Variants in UBR4 observed in about 807,000 individuals in gnomAD.
UBR4 encodes E3 ubiquitin-protein ligase UBR4.
UBR4 carries 124 observed loss-of-function variants against 575.6 expected under a neutral mutation model. That is an observed-to-expected ratio of 0.22 (90% CI 0.19 to 0.25). UBR4 has a LOEUF of 0.25. Among genes scored for constraint, UBR4 ranks in the 10% least tolerant of loss-of-function variants. The pLI is 1.00. For missense variants in UBR4, 4,818 were observed against 6,478.8 expected, an observed-to-expected ratio of 0.74 and a Z score of 8.80; for synonymous variants, 2,455 against 2,473.7, an observed-to-expected ratio of 0.99 and a Z score of 0.22.
chr1:19,100,267 G>T lies in UBR4; in HGVS notation c.13221+109C>A. ...AACTTACAGAGTGGAGAAACTGAAGGCCACCTGCCCCAAGTTAATCAGCTA... is the reference window on the plus strand; with the variant it reads ...AACTTACAGAGTGGAGAAACTGAAGTCCACCTGCCCCAAGTTAATCAGCTA... On this transcript the variant is annotated intron_variant, in intron 89 of 105. Coordinates refer to ENST00000375254, the MANE Select transcript of UBR4 (RefSeq NM_020765.3). The surrounding 1 kb of genome is among the most constrained non-coding windows in gnomAD (Gnocchi z 4.2). The T allele has an allele frequency of 8.2e-7, 1 of 1,225,328 alleles. No homozygotes were observed. Among genetic ancestry groups the T allele is most frequent in the Non-Finnish European group, 1.2e-6 (1 of 852,666 alleles). 75.9% of individuals were successfully genotyped at this position (1,225,328 alleles called of 1,614,324 possible). A position where few individuals can be genotyped will look rare whatever the true frequency, so the allele number is the denominator to read the frequency against.
At chr1:19,148,331 C>T (rs2085155659) in intron 50 of UBR4, among the ~76,000 whole-genome samples, 1 of 152,126 alleles carries the variant, frequency 6.6e-6, no homozygotes, top group South Asian at 2.1e-4. Context: ...GCTCATGATT[C>T]CCAGAACAGT....
At position 19,164,852 on chromosome 1, in the gene UBR4, C is replaced by A. The variant is rs1428861955; in HGVS notation, c.4458G>T (p.Gln1486His). ...PKDSDQLDVI[Q>H]ENRQLLQLLT... ...GTAACTGCAGCAGCTGCCGGTTCTC[C>A]TGAATTACATCCAGCTGATCAGAAT... The change falls in exon 32 of 106, where the codon CAG becomes CAT. Residue 1486 changes from glutamine (Q) to histidine (H), a missense_variant. By Grantham distance (24) the Gln-to-His change is conservative (BLOSUM62 0). Coordinates refer to ENST00000375254, the MANE Select transcript of UBR4 (RefSeq NM_020765.3). 6.2e-7 allele frequency: 1 copy of A among 1,614,072 alleles called. No individual in the cohort carries two copies. Among genetic ancestry groups the A allele is most frequent in the African/African-American group, 1.3e-5 (1 of 74,906 alleles).
intron 57 of UBR4, 114 bp downstream of exon 57, chr1:19,141,233 C>T: frequency 7.0e-7 from 1 of 1,431,272 alleles, no homozygotes; most frequent in Non-Finnish European, 9.6e-7. Flanking sequence ...TCACCCAGAT[C>T]AACCTCTCCC....
intron 48 of UBR4, chr1:19,151,091 G>A (rs1190519878): frequency 2.2e-6 from 1 of 450,276 alleles, no homozygotes; most frequent in East Asian, 4.2e-5. Flanking sequence ...CACTCCCAGG[G>A]GTCTCTACAC....
In UBR4 at chr1:19,168,148, T is replaced by C. The variant is rs773752177; in HGVS notation, c.3778A>G (p.Ser1260Gly). The part of the protein sequence containing the change: ...AFANDTIPSE[S>G]YISAVQAAHL... The stretch of plus-strand genomic sequence containing the variant: ...GCAGCCTGCACTGCACTAATATAAC[T>C]CTCTGAAGGGATGGTGTCATTGGCA... Residue 1260 changes from serine to glycine, a missense_variant, in exon 28 of 106, where the codon AGT becomes GGT. Around this residue, in one of 29 missense-constraint regions of UBR4, gnomAD observed 1,172 missense variants for 1,259.7 expected, o/e 0.93. Coordinates refer to ENST00000375254, the MANE Select transcript of UBR4 (RefSeq NM_020765.3). The C allele has an allele frequency of 6.3e-7, 1 of 1,599,002 alleles. No homozygotes were observed. Among genetic ancestry groups the C allele is most frequent in the Admixed American group, 1.7e-5 (1 of 59,270 alleles).
At chr1:19,102,370 A>T (rs533317320) in intron 87 of UBR4, among the ~76,000 whole-genome samples, 1 of 152,202 alleles carries the variant, frequency 6.6e-6, no homozygotes, top group Non-Finnish European at 1.5e-5. Context: ...GGGAAAAAAA[A>T]AAAGTCCCAC....
rs1012154088 is a variant in UBR4 at position 19,088,676 on chromosome 1, T to C, written c.14430+83A>G. ...CTCTGTCCAGCCTTCTCTTTCCCCA[T>C]GGCCAACCCCAGGGCTGTCCCATGG... is the stretch of plus-strand genomic sequence containing the variant. On this transcript the variant is annotated intron_variant, in intron 98 of 105. Transcript: ENST00000375254. The surrounding 1 kb of genome is among the most constrained non-coding windows in gnomAD (Gnocchi z 4.0). 7 of 1,442,604 alleles carry C rather than the reference T, an allele frequency of 4.9e-6. No homozygotes were observed. Among genetic ancestry groups the C allele is most frequent in the Admixed American group, 3.6e-5 (2 of 56,230 alleles). 89.4% of individuals were successfully genotyped at this position (1,442,604 alleles called of 1,614,324 possible). A position where few individuals can be genotyped will look rare whatever the true frequency, so the allele number is the denominator to read the frequency against.
chr1:19,101,220 T>C (rs2078603867), intron 88 of UBR4, among the ~76,000 whole-genome samples: 2 of 152,204 alleles, frequency 1.3e-5, no homozygotes, highest in African/African-American at 4.8e-5. Flanking sequence ...TTCCACAGTA[T>C]GTTGGATTGA....
rs370454181 is a variant in UBR4, at chr1:19,110,064, C to T, written c.12105+32G>A. 44 of 1,613,120 alleles carry T rather than the reference C, an allele frequency of 2.7e-5. No homozygotes were observed. In the African/African-American group the frequency reaches 4.7e-4, roughly 17 times the overall value. ...GAATGAGGAGGGTGGCCGCCCTGCCCTTCCTTGTTAGACCCCTGCTTGGCC... is the reference window on the plus strand; with the variant it reads ...GAATGAGGAGGGTGGCCGCCCTGCCTTTCCTTGTTAGACCCCTGCTTGGCC... On this transcript the variant is annotated intron_variant, in intron 81 of 105. Coordinates refer to ENST00000375254, the MANE Select transcript of UBR4 (RefSeq NM_020765.3). This position sits in a 1 kb window ranked among gnomAD's most constrained non-coding sequence, Gnocchi z 4.5.
At chr1:19,099,724 C>T (rs1160871342) in intron 89 of UBR4, 47 bp from the exon 90 acceptor site, 1 of 1,563,802 alleles carries the variant, frequency 6.4e-7, no homozygotes, top group Admixed American at 1.8e-5. Context: ...AATTGTAAGA[C>T]AAGTAAAATC....
intron 60 of UBR4, among the ~76,000 whole-genome samples, chr1:19,133,667 G>A (rs1341843409): frequency 2.0e-5 from 3 of 152,154 alleles, no homozygotes; most frequent in African/African-American, 4.8e-5. Flanking sequence ...ATAAATAAAT[G>A]AGCTGGGTGC....
At chr1:19,208,650 T>C (rs10917190) in intron 1 of UBR4, among the ~76,000 whole-genome samples, 100,112 of 151,414 alleles carry the variant, frequency 0.66, 33,809 homozygotes, top group African/African-American at 0.79. Context: ...CATGGCAAAA[T>C]TCAAACCTAG....
chr1:19,158,642 T>TG (rs1311326130), intron 39 of UBR4, among the ~76,000 whole-genome samples: 1 of 151,870 alleles, frequency 6.6e-6, no homozygotes, highest in Non-Finnish European at 1.5e-5. Context: ...TGTATATTTT[T>TG]TATAGAGACA....
rs140840780 is a variant in UBR4, at chr1:19,096,531, G to C, written c.13510C>G (p.Leu4504Val). Residue 4504 changes from leucine to valine, a missense_variant, in exon 92 of 106, where the codon CTT (leucine) becomes GTT (valine). By Grantham distance (32) the Leu-to-Val change is conservative (BLOSUM62 1). This residue lies in a region of UBR4 where 165 missense variants were observed against 282.3 expected (regional missense o/e 0.58). Transcript: ENST00000375254. ...TGCTGCCCCCAACTCACTGTTAGAA[G>C]GTGGCGTCCCTGCTTGAAATCTCTG... ...GIRDFKQGRH[L>V]LTVLLKLFSY... 1.9e-6 allele frequency: 3 copies of C among 1,612,782 alleles called. No individual in the cohort carries two copies. The highest frequency in any genetic ancestry group is 1.7e-6 in the Non-Finnish European group (2 of 1,179,508).
rs899410839 is a variant in UBR4 at position 19,086,602 on chromosome 1, G to A, written c.14687+77C>T. 31 of 1,570,950 alleles carry A rather than the reference G, an allele frequency of 2.0e-5. No individual in the cohort carries two copies. The Admixed American group carries it at 4.7e-4, about 24-fold the overall frequency. The stretch of plus-strand genomic sequence containing the variant: ...GACTAAGGAGCAGATTTAAAACCAC[G>A]AGGATGGCAGTCCCACCCGCTCCAG... On this transcript the variant is annotated intron_variant, in intron 100 of 105. Coordinates refer to ENST00000375254, the MANE Select transcript of UBR4 (RefSeq NM_020765.3).
Position 19,210,108 on chromosome 1 carries a change from C to A in UBR4, c.141G>T (p.Lys47Asn), listed in dbSNP as rs750025475. 3 of 1,584,070 alleles carry A rather than the reference C, an allele frequency of 1.9e-6. No homozygotes were observed. The highest frequency in any genetic ancestry group is 2.4e-5 in the East Asian group (1 of 41,224). Residue 47 changes from lysine to asparagine, a missense_variant, in exon 1 of 106, where the codon AAG (lysine) becomes AAT (asparagine). Coordinates refer to ENST00000375254, the MANE Select transcript of UBR4 (RefSeq NM_020765.3). ...CTGAGGCCACCAGCTGCGGCAACTC[C>A]TTCATCTCGAAGGCGGAGTAGGACG... ...LSASYSAFEMKELPQLVASVI... is the reference protein window; with the variant it reads ...LSASYSAFEMNELPQLVASVI...
chr1:19,173,726 G>A (rs1557902735), intron 22 of UBR4, 105 bp from the exon 23 acceptor site: 2 of 1,097,332 alleles, frequency 1.8e-6, no homozygotes, highest in African/African-American at 1.6e-5. Context: ...GAACTGTATA[G>A]AGTCCTGATT....
At chr1:19,115,341 C>T in intron 74 of UBR4, 57 bp downstream of exon 74, 4 of 1,584,532 alleles carry the variant, frequency 2.5e-6, no homozygotes, top group African/African-American at 1.3e-5. Flanking sequence ...GACACTACTA[C>T]AGAAAAATAA....
At chr1:19,087,710 T>C (rs1159180527) in intron 99 of UBR4, 106 bp downstream of exon 99, 1 of 845,700 alleles carries the variant, frequency 1.2e-6, no homozygotes, top group Admixed American at 2.3e-5. Flanking sequence ...ATGCAGGCCT[T>C]GATCTTGCCT....
Sources: allele counts gnomAD v4.1 joint callset (sites outside exome capture counted in the v4.1 genomes callset), GRCh38; gene constraint gnomAD v4.1.1; regional missense constraint gnomAD v4.1.1; non-coding constraint Gnocchi (gnomAD v3.1); transcripts MANE v1.5; gene names NCBI Gene and HGNC (gene_info 2026-07-23, HGNC 2026-07-21).